COQ10B: variants seen among roughly 807,000 people sequenced by gnomAD.
COQ10B encodes coenzyme Q10B, also known as coenzyme Q-binding protein COQ10 homolog B, mitochondrial.
In COQ10B, 12 loss-of-function variants were observed where a neutral mutation model predicts 27.6. The observed-to-expected ratio is 0.43, with a 90% CI of 0.28 to 0.70. COQ10B has a LOEUF of 0.70. COQ10B is among the 30% of genes least tolerant of loss of function. The pLI, the probability that COQ10B is intolerant of heterozygous loss-of-function variation, is 0.17. For missense variants in COQ10B, 278 were observed against 288.7 expected (o/e 0.96, Z 0.27); for synonymous variants, 115 against 103.0 (o/e 1.12, Z -0.71).
intron 1 of COQ10B, among the ~76,000 whole-genome samples, chr2:197,459,469 G>A (rs2085733959): frequency 1.3e-5 from 2 of 152,142 alleles, no homozygotes; most frequent in Non-Finnish European, 1.5e-5. Flanking sequence ...CTTGGCATCA[G>A]TACTCACCAT....
intron 4 of COQ10B, among the ~76,000 whole-genome samples, chr2:197,471,674 G>A (rs1055951092): frequency 2.0e-5 from 3 of 152,022 alleles, no homozygotes; most frequent in Non-Finnish European, 4.4e-5. Flanking sequence ...AAGCACAGTG[G>A]CTCACGCCTG....
intron 1 of COQ10B, among the ~76,000 whole-genome samples, chr2:197,459,642 T>C (rs2085735242): frequency 6.6e-6 from 1 of 152,092 alleles, no homozygotes; most frequent in African/African-American, 2.4e-5. Flanking sequence ...TAGCAAAGCT[T>C]ATGGTAAGAG....
chr2:197,455,743 T>C (rs2085690925), intron 1 of COQ10B, among the ~76,000 whole-genome samples: 1 of 152,026 alleles, frequency 6.6e-6, no homozygotes, highest in Non-Finnish European at 1.5e-5. Context: ...GAGGATCACT[T>C]GAAATCAGGA....
At chr2:197,472,798 C>T (rs2085891933) in intron 4 of COQ10B, among the ~76,000 whole-genome samples, 1 of 62,186 alleles carries the variant, frequency 1.6e-5, no homozygotes, top group African/African-American at 8.4e-5. Flanking sequence ...AAGGCTCCAT[C>T]TCAAAAAAAA....
intron 3 of COQ10B, among the ~76,000 whole-genome samples, chr2:197,467,256 G>T (rs2106054795): frequency 8.3e-6 from 1 of 120,486 alleles, no homozygotes; most frequent in Middle Eastern, 4.5e-3. Context: ...CTGGGTTCTG[G>T]ATTTTATTTA....
chr2:197,463,190 T>C (rs1053380541), intron 3 of COQ10B, among the ~76,000 whole-genome samples: 6 of 152,174 alleles, frequency 3.9e-5, no homozygotes, highest in South Asian at 2.1e-4. Flanking sequence ...AGAAAAGATA[T>C]AGGCATAGCG....
rs1446810344 is a variant in COQ10B at position 197,470,229 on chromosome 2, A to T, written c.549+58A>T. On this transcript the variant is annotated intron_variant, in intron 4 of 4. Coordinates refer to ENST00000263960, the MANE Select transcript of COQ10B (RefSeq NM_025147.5). The stretch of plus-strand genomic sequence containing the variant: ...TTATGAGGTAAAATTGGTAAAAAGT[A>T]ATCATTTTTTAGAACACAGAGGCCA... 4 of 985,784 alleles carry T rather than the reference A, an allele frequency of 4.1e-6. No homozygotes were observed. The Admixed American group carries it at 6.6e-5, about 16-fold the overall frequency. 61.1% of individuals were successfully genotyped at this position (985,784 alleles called of 1,614,324 possible).
intron 3 of COQ10B, among the ~76,000 whole-genome samples, chr2:197,463,062 TTTA>T (rs1431768491): frequency 1.3e-5 from 2 of 152,196 alleles, no homozygotes; most frequent in Non-Finnish European, 2.9e-5. Flanking sequence ...ATTAAATACT[TTTA>T]TTATTGGGGG....
At chr2:197,461,657 GA>G (rs2085759915) in intron 2 of COQ10B, among the ~76,000 whole-genome samples, 1 of 141,758 alleles carries the variant, frequency 7.1e-6, no homozygotes, top group East Asian at 2.2e-4. Flanking sequence ...GAGAGAGAGA[GA>G]GAGAGAGGTG....
chr2:197,453,683 G>C lies in COQ10B; in HGVS notation c.104+19G>C, dbSNP rs1386167020. 2.5e-6 allele frequency: 4 copies of C among 1,597,480 alleles called. No individual in the cohort carries two copies. In the South Asian group the frequency reaches 4.4e-5, roughly 18 times the overall value. ...ATGGCAGGTAATCAACAGCGGGGGC[G>C]CTGAGACGAGAGTAGTTTTCGATTT... is the stretch of plus-strand genomic sequence containing the variant. On this transcript the variant is annotated intron_variant, in intron 1 of 4. Coordinates refer to ENST00000263960, the MANE Select transcript of COQ10B (RefSeq NM_025147.5).
Position 197,462,614 on chromosome 2 carries a change from A to T in COQ10B, c.330A>T (p.Lys110Asn). 1 of 1,599,956 alleles carries T rather than the reference A, an allele frequency of 6.3e-7. No homozygotes were observed. Among genetic ancestry groups the T allele is most frequent in the Non-Finnish European group, 8.5e-7 (1 of 1,170,272 alleles). Reference sequence around the variant, plus strand: ...AGCATTTTGTTCCTTGGTGCAAAAAATCAGATGTTATATCAAAGAGATCTG... The same window carrying T: ...AGCATTTTGTTCCTTGGTGCAAAAATTCAGATGTTATATCAAAGAGATCTG... ...DYKHFVPWCK[K>N]SDVISKRSGY... is the part of the protein sequence containing the mutation. Residue 110 changes from lysine to asparagine, a missense_variant, in exon 3 of 5, where the codon AAA becomes AAT. Coordinates refer to ENST00000263960, the MANE Select transcript of COQ10B (RefSeq NM_025147.5).
intron 1 of COQ10B, 53 bp from the exon 2 acceptor site, chr2:197,459,879 C>T: frequency 3.7e-6 from 5 of 1,366,176 alleles, no homozygotes; most frequent in Middle Eastern, 2.6e-4. Context: ...ATAATTTGTG[C>T]TTCCTTTTAA....
intron 1 of COQ10B, among the ~76,000 whole-genome samples, chr2:197,454,611 AT>A (rs1327826851): frequency 1.3e-5 from 2 of 152,154 alleles, no homozygotes; most frequent in East Asian, 3.8e-4. Context: ...GCTTTAGGAA[AT>A]AACCTCAAAA....
At position 197,470,205 on chromosome 2, in the gene COQ10B, T is replaced by C. The variant is rs963946912; in HGVS notation, c.549+34T>C. The C allele has an allele frequency of 3.9e-6, 5 of 1,295,128 alleles. No homozygotes were observed. The Admixed American group carries it at 5.5e-5, about 14-fold the overall frequency. The allele number at this position is 1,295,128 out of a possible 1,614,324, so 80.2% of individuals were successfully genotyped here. On this transcript the variant is annotated intron_variant, in intron 4 of 4. Coordinates refer to ENST00000263960, the MANE Select transcript of COQ10B (RefSeq NM_025147.5). ...CATAAAGCCCTTGATTTGTTCCACT[T>C]ATGAGGTAAAATTGGTAAAAAGTAA...
intron 3 of COQ10B, among the ~76,000 whole-genome samples, chr2:197,463,282 A>AC (rs2085781016): frequency 7.8e-6 from 1 of 128,600 alleles, no homozygotes; most frequent in Non-Finnish European, 1.8e-5. Context: ...GACCAGCCTG[A>AC]CCAACATGGT....
At chr2:197,466,790 T>C (rs2106054324) in intron 3 of COQ10B, among the ~76,000 whole-genome samples, 1 of 152,272 alleles carries the variant, frequency 6.6e-6, no homozygotes. Flanking sequence ...TGCATGTGTC[T>C]GACTCCAAAA....
In COQ10B at chr2:197,473,415, A is replaced by AATAT. The variant is rs1161758409; in HGVS notation, c.550-318_550-315dup. On this transcript the variant is annotated intron_variant, in intron 4 of 4. Transcript: ENST00000263960. ...CGCCCCCCCCCACAAAAAAAAAAAA[A>AATAT]ATATATATATATATATATATATATA... is the stretch of plus-strand genomic sequence containing the variant. Among the ~76,000 whole-genome samples the AATAT allele has an allele frequency of 5.7e-3, 339 of 59,400 alleles. 6 individuals are homozygous for AATAT. The highest frequency in any genetic ancestry group is 0.027 in the East Asian group (70 of 2,576). 39.0% of individuals were successfully genotyped at this position (59,400 alleles called of 152,430 possible).
In COQ10B at chr2:197,473,926, G is replaced by A. The variant is rs1434745215; in HGVS notation, c.*2G>A. ...CTTCATGAAGTCCATCACACATAAA[G>A]GCAAAAAAGAACTGGTGCCACCTGC... On this transcript the variant is annotated 3_prime_UTR_variant, in exon 5 of 5. Coordinates refer to ENST00000263960, the MANE Select transcript of COQ10B (RefSeq NM_025147.5). 4 of 1,480,804 alleles carry A rather than the reference G, an allele frequency of 2.7e-6. No homozygotes were observed. The highest frequency in any genetic ancestry group is 2.2e-5 in the Admixed American group (1 of 45,086). The allele number at this position is 1,480,804 out of a possible 1,614,324, so 91.7% of individuals were successfully genotyped here.
At chr2:197,473,624 T>C (rs2085916407) in intron 4 of COQ10B, 133 bp from the exon 5 acceptor site, 3 of 562,288 alleles carry the variant, frequency 5.3e-6, no homozygotes, top group Non-Finnish European at 8.8e-6. Context: ...AGGTTGAGGC[T>C]GCAGTGAGCC....
Sources: allele counts gnomAD v4.1 joint callset (sites outside exome capture counted in the v4.1 genomes callset), GRCh38; gene constraint gnomAD v4.1.1; transcripts MANE v1.5; gene names NCBI Gene and HGNC (gene_info 2026-07-23, HGNC 2026-07-21).